PDE1A: variants seen among roughly 807,000 people sequenced by gnomAD.
PDE1A encodes phosphodiesterase 1A.
In PDE1A, 35 loss-of-function variants were observed where a neutral mutation model predicts 61.7. The ratio of observed to expected loss-of-function variants is 0.57; its 90% CI spans 0.43 to 0.75. The LOEUF is 0.75. Among genes scored for constraint, PDE1A ranks in the 30% least tolerant of loss-of-function variants. The pLI is 0.00. For missense variants in PDE1A, 597 were observed against 630.6 expected, an observed-to-expected ratio of 0.95 and a Z score of 0.57; for synonymous variants, 232 against 213.2, an observed-to-expected ratio of 1.09 and a Z score of -0.77.
chr2:182,391,905 A>C (rs185833579), intron 1 of PDE1A, among the ~76,000 whole-genome samples: 25 of 152,348 alleles, frequency 1.6e-4, no homozygotes, highest in African/African-American at 6.0e-4. Context: ...ATGGACAAAA[A>C]ACTAATTTTA....
chr2:182,465,391 G>A (rs945675979), intron 2 of PDE1A, among the ~76,000 whole-genome samples: 4 of 151,552 alleles, frequency 2.6e-5, no homozygotes, highest in Non-Finnish European at 5.9e-5. Flanking sequence ...ACAGTTCAGA[G>A]CAGTGTCTCA....
intron 11 of PDE1A, among the ~76,000 whole-genome samples, chr2:182,188,215 C>T (rs1008912894): frequency 1.3e-5 from 2 of 152,158 alleles, no homozygotes; most frequent in African/African-American, 2.4e-5. Flanking sequence ...GGATAGGCAC[C>T]TGTGTTATGG....
chr2:182,312,883 T>G (rs1480576244), intron 1 of PDE1A, among the ~76,000 whole-genome samples: 1 of 151,950 alleles, frequency 6.6e-6, no homozygotes, highest in South Asian at 2.1e-4. Flanking sequence ...AAATTGAACC[T>G]ATAGAACAAT....
the PDE1A span, among the ~76,000 whole-genome samples, chr2:182,541,130 C>A: frequency 3.3e-5 from 5 of 152,140 alleles, no homozygotes; most frequent in Admixed American, 3.3e-4. Context: ...ACATATACAA[C>A]AATATCTAAT....
chr2:182,212,922 A>C (rs1006951489), intron 7 of PDE1A, among the ~76,000 whole-genome samples: 1 of 151,724 alleles, frequency 6.6e-6, no homozygotes, highest in African/African-American at 2.4e-5. Flanking sequence ...ACCACAGCTC[A>C]AGGAGGCCTG....
At chr2:182,471,015 A>G (rs904371927) in intron 2 of PDE1A, among the ~76,000 whole-genome samples, 2 of 151,886 alleles carry the variant, frequency 1.3e-5, no homozygotes, top group Admixed American at 1.3e-4. Context: ...AAAATTATAT[A>G]CACTTATCTA....
exon 8 of PDE1A, chr2:182,205,990 C>T: frequency 6.2e-7 from 1 of 1,611,800 alleles, no homozygotes. Flanking sequence ...CTTCTTCTTG[C>T]ATAAGTCGAT....
At chr2:182,552,612 C>T in the PDE1A span, among the ~76,000 whole-genome samples, 1 of 151,954 alleles carries the variant, frequency 6.6e-6, no homozygotes, top group African/African-American at 2.4e-5. Context: ...CCTTTAAACA[C>T]GGGGCTTGCA....
At chr2:182,518,294 C>G (rs1690343160) in intron 2 of PDE1A, among the ~76,000 whole-genome samples, 1 of 152,016 alleles carries the variant, frequency 6.6e-6, no homozygotes, top group African/African-American at 2.4e-5. Context: ...GCCTGGACAA[C>G]TCCATCTGAG....
chr2:182,597,836 T>A, the PDE1A span, among the ~76,000 whole-genome samples: 1 of 152,184 alleles, frequency 6.6e-6, no homozygotes, highest in East Asian at 1.9e-4. Context: ...AGAGATAACA[T>A]AGTTTCTTTT....
chr2:182,202,259 C>T (rs1327050548), intron 8 of PDE1A, among the ~76,000 whole-genome samples: 1 of 152,120 alleles, frequency 6.6e-6, no homozygotes, highest in Non-Finnish European at 1.5e-5. Flanking sequence ...AGAGAAGAGA[C>T]AGAGATAAGA....
At chr2:182,599,138 G>A in the PDE1A span, among the ~76,000 whole-genome samples, 1 of 152,088 alleles carries the variant, frequency 6.6e-6, no homozygotes, top group Non-Finnish European at 1.5e-5. Flanking sequence ...CTGCACTCTT[G>A]GGAGCCCAGG....
chr2:182,247,599 A>G (rs538880179), intron 2 of PDE1A, among the ~76,000 whole-genome samples: 1 of 152,284 alleles, frequency 6.6e-6, no homozygotes, highest in East Asian at 1.9e-4. Flanking sequence ...CGTCTGATCA[A>G]CATGAGCAGC....
intron 1 of PDE1A, 27 bp downstream of exon 1, chr2:182,426,551 A>T: frequency 6.8e-7 from 1 of 1,480,088 alleles, no homozygotes; most frequent in South Asian, 1.1e-5. Context: ...ACAGCCCTAG[A>T]GCCACCTGCG....
chr2:182,437,825 T>G (rs1002666218), intron 2 of PDE1A, among the ~76,000 whole-genome samples: 11 of 151,948 alleles, frequency 7.2e-5, no homozygotes, highest in Non-Finnish European at 1.5e-4. Context: ...CTCTGTTTCA[T>G]AAATAATTTT....
chr2:182,606,301 C>T, the PDE1A span, among the ~76,000 whole-genome samples: 2 of 152,208 alleles, frequency 1.3e-5, no homozygotes, highest in Non-Finnish European at 2.9e-5. Context: ...GCCTCAACCT[C>T]CTGAGTAGCC....
the PDE1A span, among the ~76,000 whole-genome samples, chr2:182,679,328 C>T: frequency 6.7e-6 from 1 of 150,048 alleles, no homozygotes; most frequent in East Asian, 1.9e-4. Flanking sequence ...GGACTACAGG[C>T]GCCCGCCACC....
chr2:182,559,769 C>A, the PDE1A span, among the ~76,000 whole-genome samples: 1 of 152,144 alleles, frequency 6.6e-6, no homozygotes, highest in East Asian at 1.9e-4. Context: ...CATATTCACA[C>A]AATGAAGCAC....
rs2128044 is a variant in PDE1A at position 182,246,010 on chromosome 2, C to G, written c.168-5718G>C. Among the ~76,000 whole-genome samples, 630 of 152,350 alleles carry G rather than the reference C, an allele frequency of 4.1e-3. 7 individuals are homozygous for G. Among genetic ancestry groups the G allele is most frequent in the African/African-American group, 0.015 (610 of 41,578 alleles). ...GTGCAGCCTGCTAACTGGCCTCCCC[C>G]TCTTGCTCCTGACCCCTGTCAGTCT... On this transcript the variant is annotated intron_variant, in intron 2 of 13. Coordinates refer to ENST00000351439, the Ensembl canonical transcript of PDE1A.
Sources: gnomAD v4.1 joint callset for allele counts (sites outside exome capture counted in the v4.1 genomes callset) on GRCh38, gnomAD v4.1.1 for gene constraint, MANE v1.5 for transcripts, NCBI Gene and HGNC (gene_info 2026-07-23, HGNC 2026-07-21) for gene names.